WDR33: variants seen among roughly 807,000 people sequenced by gnomAD.
WDR33 encodes the protein pre-mRNA 3' end processing protein WDR33.
In WDR33, 47 loss-of-function variants were observed where a neutral mutation model predicts 164.9. That is an observed-to-expected ratio of 0.29 (90% CI 0.23 to 0.36). WDR33 has a LOEUF of 0.36. Ranked by LOEUF, WDR33 falls within the 10% of genes least tolerant of loss-of-function variation. The pLI, the probability that WDR33 is intolerant of heterozygous loss-of-function variation, is 1.00. For missense variants in WDR33, 1,137 were observed against 1,754.1 expected, an observed-to-expected ratio of 0.65 and a Z score of 6.28; for synonymous variants, 505 against 589.0, an observed-to-expected ratio of 0.86 and a Z score of 2.06.
intron 8 of WDR33, among the ~76,000 whole-genome samples, chr2:127,725,602 C>T (rs180734954): frequency 6.6e-6 from 1 of 151,994 alleles, no homozygotes; most frequent in Non-Finnish European, 1.5e-5. Flanking sequence ...GGCGTGATGG[C>T]GCATGCCTGT....
chr2:127,701,989 GCGCCACGCTGTT>G lies in WDR33; in HGVS notation c.*4322_*4333del, dbSNP rs1312442829. 13 of 1,341,470 alleles carry G rather than the reference GCGCCACGCTGTT, an allele frequency of 9.7e-6. No homozygotes were observed. The highest frequency in any genetic ancestry group is 1.2e-5 in the Non-Finnish European group (13 of 1,049,688). 83.1% of individuals were successfully genotyped at this position (1,341,470 alleles called of 1,614,324 possible). A position where few individuals can be genotyped will look rare whatever the true frequency, so the allele number is the denominator to read the frequency against. Reference sequence around the variant, plus strand: ...GCGCTGCTCTACATGGCAGCGCTGGGCGCCACGCTGTTCGCCGCGCTGGGCCTTCGCAGCACG... The same window carrying G: ...GCGCTGCTCTACATGGCAGCGCTGGGCGCCGCGCTGGGCCTTCGCAGCACG... On this transcript the variant is annotated 3_prime_UTR_variant, in exon 22 of 22. Coordinates refer to ENST00000322313, the MANE Select transcript of WDR33 (RefSeq NM_018383.5).
chr2:127,734,808 T>C (rs1686798757), intron 7 of WDR33, among the ~76,000 whole-genome samples: 1 of 152,144 alleles, frequency 6.6e-6, no homozygotes, highest in Non-Finnish European at 1.5e-5. Flanking sequence ...AAAACATGAA[T>C]GCACTTTTAA....
intron 1 of WDR33, among the ~76,000 whole-genome samples, chr2:127,786,757 A>G (rs890005073): frequency 6.6e-6 from 1 of 151,920 alleles, no homozygotes; most frequent in Non-Finnish European, 1.5e-5. Context: ...AATTTATTCT[A>G]GAAGCTTTCT....
At position 127,706,764 on chromosome 2, in the gene WDR33, C is replaced by T. The variant is rs1686026359; in HGVS notation, c.3782-212G>A. Among the ~76,000 whole-genome samples the T allele has an allele frequency of 1.3e-5, 2 of 152,244 alleles. No homozygotes were observed. The highest frequency in any genetic ancestry group is 2.9e-5 in the Non-Finnish European group (2 of 68,048). ...GGCTCATGGCCATGGGCCTCAGCATCAGCCAGATCCATGCCCCCAGGGCTG... is the reference window on the plus strand; with the variant it reads ...GGCTCATGGCCATGGGCCTCAGCATTAGCCAGATCCATGCCCCCAGGGCTG... On this transcript the variant is annotated intron_variant, in intron 21 of 21. Coordinates refer to ENST00000322313, the MANE Select transcript of WDR33 (RefSeq NM_018383.5). This position sits in a 1 kb window ranked among gnomAD's most constrained non-coding sequence, Gnocchi z 5.1.
At chr2:127,728,930 T>C (rs1558926877) in intron 7 of WDR33, among the ~76,000 whole-genome samples, 1 of 152,156 alleles carries the variant, frequency 6.6e-6, no homozygotes, top group Non-Finnish European at 1.5e-5. Flanking sequence ...TAAAGAAGCA[T>C]ACGTAAAAAC....
rs1316852447 is a variant in WDR33 at position 127,764,993 on chromosome 2, A to C, written c.475-14T>G. ...GCTGTCGTGAGCCTGTGAAAGCAGA[A>C]AACATTAATTAGTAAGGTGCTGCTT... On this transcript the variant is annotated splice_polypyrimidine_tract_variant and intron_variant, in intron 5 of 21. Coordinates refer to ENST00000322313, the MANE Select transcript of WDR33 (RefSeq NM_018383.5). The surrounding 1 kb of genome is among the most constrained non-coding windows in gnomAD (Gnocchi z 6.2). The C allele has an allele frequency of 6.2e-7, 1 of 1,612,410 alleles. No homozygotes were observed.
Position 127,735,577 on chromosome 2 carries a change from T to C in WDR33, c.725-8800A>G, listed in dbSNP as rs1174634351. On this transcript the variant is annotated intron_variant, in intron 7 of 21. Coordinates refer to ENST00000322313, the MANE Select transcript of WDR33 (RefSeq NM_018383.5). The surrounding 1 kb of genome is among the most constrained non-coding windows in gnomAD (Gnocchi z 4.3). ...AGAATTCAAGTACCATCTTGTACAA[T>C]ATTAACAGAACTGTTACTCAAGAAA... is the stretch of plus-strand genomic sequence containing the variant. 1 of 985,680 alleles carries C rather than the reference T, an allele frequency of 1.0e-6. No homozygotes were observed. Among genetic ancestry groups the C allele is most frequent in the Non-Finnish European group, 1.2e-6 (1 of 829,886 alleles). 61.1% of individuals were successfully genotyped at this position (985,680 alleles called of 1,614,324 possible). A position where few individuals can be genotyped will look rare whatever the true frequency, so the allele number is the denominator to read the frequency against.
rs1436992127 is a variant in WDR33, at chr2:127,787,544, C to T, written c.-23-16540G>A. ...GGCTGGCCGGTCGGGGGGCTGACAC[C>T]CCCACCTCCCTCCCGGACGGGGCGG... On this transcript the variant is annotated intron_variant, in intron 1 of 21. Transcript: ENST00000322313. Among the ~76,000 whole-genome samples, 20 of 121,804 alleles carry T rather than the reference C, an allele frequency of 1.6e-4. 1 individual carries two copies. The highest frequency in any genetic ancestry group is 7.0e-4 in the African/African-American group (20 of 28,382). 79.9% of individuals were successfully genotyped at this position (121,804 alleles called of 152,430 possible). A position where few individuals can be genotyped will look rare whatever the true frequency, so the allele number is the denominator to read the frequency against.
Position 127,708,178 on chromosome 2 carries a change from CCA to C in WDR33, c.3781+497_3781+498del, listed in dbSNP as rs1244667302. ...TTAGTGCTGCCTATAACATAAAGCTCCACAGTTCCCAGTTGAGGAGATAATCT... is the reference window on the plus strand; with the variant it reads ...TTAGTGCTGCCTATAACATAAAGCTCCAGTTCCCAGTTGAGGAGATAATCT... On this transcript the variant is annotated intron_variant, in intron 21 of 21. Transcript: ENST00000322313. The surrounding 1 kb of genome is among the most constrained non-coding windows in gnomAD (Gnocchi z 6.7). Among the ~76,000 whole-genome samples the C allele has an allele frequency of 6.6e-6, 1 of 152,198 alleles. No homozygotes were observed. Among genetic ancestry groups the C allele is most frequent in the Non-Finnish European group, 1.5e-5 (1 of 68,030 alleles).
chr2:127,715,654 C>T (rs769057490), intron 17 of WDR33, among the ~76,000 whole-genome samples: 4 of 152,206 alleles, frequency 2.6e-5, no homozygotes, highest in Non-Finnish European at 5.9e-5. Context: ...CATGATGTTG[C>T]TTGAACTTAG....
In WDR33 at chr2:127,726,304, G is replaced by A. The variant is rs73954898; in HGVS notation, c.851+347C>T. Among the ~76,000 whole-genome samples, 4,073 of 152,246 alleles carry A rather than the reference G, an allele frequency of 0.027. 202 individuals are homozygous for A. The highest frequency in any genetic ancestry group is 0.092 in the African/African-American group (3,824 of 41,528). Reference sequence around the variant, plus strand: ...GTTGTGAGATGGAGAAGGCTGGGCCGTGTCTAGTAAGGGGCACACACGTCA... The same window carrying A: ...GTTGTGAGATGGAGAAGGCTGGGCCATGTCTAGTAAGGGGCACACACGTCA... On this transcript the variant is annotated intron_variant, in intron 8 of 21. Coordinates refer to ENST00000322313, the MANE Select transcript of WDR33 (RefSeq NM_018383.5). The surrounding 1 kb of genome is among the most constrained non-coding windows in gnomAD (Gnocchi z 4.8).
In WDR33 at chr2:127,710,168, T is replaced by A. The variant is rs1349034881; in HGVS notation, c.3309-312A>T. Reference sequence around the variant, plus strand: ...CAGCCACCATATGAAGCTGGTATTATCAGCAGTTCCACTGATGAGAACACT... The same window carrying A: ...CAGCCACCATATGAAGCTGGTATTAACAGCAGTTCCACTGATGAGAACACT... On this transcript the variant is annotated intron_variant, in intron 18 of 21. Transcript: ENST00000322313. This position sits in a 1 kb window ranked among gnomAD's most constrained non-coding sequence, Gnocchi z 4.4. Among the ~76,000 whole-genome samples, 3 of 152,200 alleles carry A rather than the reference T, an allele frequency of 2.0e-5. No homozygotes were observed. Among genetic ancestry groups the A allele is most frequent in the African/African-American group, 7.2e-5 (3 of 41,434 alleles).
intron 1 of WDR33, among the ~76,000 whole-genome samples, chr2:127,794,038 C>T (rs1345811869): frequency 6.6e-6 from 1 of 151,846 alleles, no homozygotes; most frequent in Admixed American, 6.6e-5. Context: ...GTGGCTGAGG[C>T]GGGAGAATCA....
At position 127,759,508 on chromosome 2, in the gene WDR33, T is replaced by C. The variant is rs1050185789; in HGVS notation, c.724+3554A>G. The stretch of plus-strand genomic sequence containing the variant: ...CAGCTCTAGACCAGCCTGGTCAACA[T>C]GGTGAAACTCTGTCTCTACTAAAAA... On this transcript the variant is annotated intron_variant, in intron 7 of 21. Transcript: ENST00000322313. 8.7e-5 allele frequency among the ~76,000 whole-genome samples: 13 copies of C among 149,582 alleles called. No homozygotes were observed. In the East Asian group the frequency reaches 1.4e-3, roughly 16 times the overall value.
At chr2:127,788,326 C>T (rs867861335) in intron 1 of WDR33, among the ~76,000 whole-genome samples, 76 of 104,188 alleles carry the variant, frequency 7.3e-4, no homozygotes, top group South Asian at 1.1e-3. Context: ...CCGGACGGGG[C>T]GGCTGGCCGG....
rs1348150433 is a variant in WDR33, at chr2:127,716,987, C to T, written c.2869+168G>A. Among the ~76,000 whole-genome samples, 4 of 152,200 alleles carry T rather than the reference C, an allele frequency of 2.6e-5. No individual in the cohort carries two copies. The highest frequency in any genetic ancestry group is 9.7e-5 in the African/African-American group (4 of 41,448). Reference sequence around the variant, plus strand: ...GGGGTGAGGGGCTTACTAAACAGATCCAAGAACACAACCAAAGACAAAGCT... The same window carrying T: ...GGGGTGAGGGGCTTACTAAACAGATTCAAGAACACAACCAAAGACAAAGCT... On this transcript the variant is annotated intron_variant, in intron 17 of 21. Transcript: ENST00000322313. This position sits in a 1 kb window ranked among gnomAD's most constrained non-coding sequence, Gnocchi z 4.5.
At position 127,701,382 on chromosome 2, in the gene WDR33, A is replaced by C; in HGVS notation, c.*4941T>G. 1.3e-6 allele frequency: 1 copy of C among 759,220 alleles called. No homozygotes were observed. The highest frequency in any genetic ancestry group is 1.8e-6 in the Non-Finnish European group (1 of 560,634). The allele number at this position is 759,220 out of a possible 1,614,324, so 47.0% of individuals were successfully genotyped here. A position where few individuals can be genotyped will look rare whatever the true frequency, so the allele number is the denominator to read the frequency against. ...ACTTGGGGACACCACAAAAGTCCGCAGAGCAGGCACCGCGGCACTTCCGCG... is the reference window on the plus strand; with the variant it reads ...ACTTGGGGACACCACAAAAGTCCGCCGAGCAGGCACCGCGGCACTTCCGCG... On this transcript the variant is annotated 3_prime_UTR_variant, in exon 22 of 22. Transcript: ENST00000322313.
chr2:127,758,661 TA>T (rs1023401269), intron 7 of WDR33, among the ~76,000 whole-genome samples: 10 of 152,114 alleles, frequency 6.6e-5, no homozygotes, highest in African/African-American at 2.4e-4. Context: ...GGGAGAAAAT[TA>T]AAAATAAAAT....
chr2:127,791,862 G>A (rs1353872454), intron 1 of WDR33, among the ~76,000 whole-genome samples: 2 of 152,106 alleles, frequency 1.3e-5, no homozygotes, highest in Admixed American at 1.3e-4. Context: ...ATGCTAAGGA[G>A]CTAGTAGTTT....
Sources: allele counts gnomAD v4.1 joint callset (sites outside exome capture counted in the v4.1 genomes callset), GRCh38; gene constraint gnomAD v4.1.1; non-coding constraint Gnocchi (gnomAD v3.1); transcripts MANE v1.5; gene names NCBI Gene and HGNC (gene_info 2026-07-23, HGNC 2026-07-21).